The following DCC variants were observed in gnomAD, a reference collection of about 807,000 sequenced individuals.
The protein encoded by DCC is DCC netrin 1 receptor.
A neutral mutation model predicts 172.5 loss-of-function variants in DCC; 58 were observed. That is an observed-to-expected ratio of 0.34 (90% confidence interval 0.27 to 0.42). The LOEUF is 0.42. Ranked by LOEUF, DCC falls within the 10% of genes least tolerant of loss-of-function variation. DCC has a pLI of 1.00. For synonymous variants in DCC, 709 were observed against 644.5 expected (o/e 1.10, Z -1.52); for missense variants, 1,740 against 1,791.0 (o/e 0.97, Z 0.51).
chr18:52,509,610 A>C (rs970638121), intron 1 of DCC, among the ~76,000 whole-genome samples: 2 of 152,218 alleles, frequency 1.3e-5, no homozygotes, highest in Non-Finnish European at 2.9e-5. Context: ...ACATAAACAA[A>C]TGTCCTACAA....
chr18:52,784,902 T>C (rs556741707), intron 2 of DCC, among the ~76,000 whole-genome samples: 1 of 101,752 alleles, frequency 9.8e-6, no homozygotes, highest in Non-Finnish European at 1.9e-5. Flanking sequence ...CCTAGGGAGG[T>C]GGAGGGGGAG....
intron 28 of DCC, among the ~76,000 whole-genome samples, chr18:53,528,128 A>AATT (rs1431200862): frequency 1.3e-5 from 2 of 152,264 alleles, no homozygotes; most frequent in Non-Finnish European, 2.9e-5. Flanking sequence ...CTTTTATAAA[A>AATT]ATTATACTTT....
intron 1 of DCC, among the ~76,000 whole-genome samples, chr18:52,610,865 C>T (rs1259732591): frequency 6.6e-6 from 1 of 151,926 alleles, no homozygotes; most frequent in Non-Finnish European, 1.5e-5. Flanking sequence ...AAAACATTAT[C>T]AGTGCATAGC....
chr18:52,736,406 C>A (rs1195359067), intron 1 of DCC, among the ~76,000 whole-genome samples: 1 of 152,030 alleles, frequency 6.6e-6, no homozygotes. Context: ...TACCACTAGA[C>A]CATCTTTGTG....
chr18:52,837,500 C>T (rs1289074637), intron 2 of DCC, among the ~76,000 whole-genome samples: 1 of 152,176 alleles, frequency 6.6e-6, no homozygotes, highest in Non-Finnish European at 1.5e-5. Flanking sequence ...TGCCACCAGT[C>T]TCTTTGCATA....
In DCC at chr18:53,050,958, A is replaced by G. The variant is rs548111564; in HGVS notation, c.986-12347A>G. Among the ~76,000 whole-genome samples the G allele has an allele frequency of 9.2e-5, 14 of 152,312 alleles. No individual in the cohort carries two copies. In the South Asian group the frequency reaches 2.7e-3, roughly 29 times the overall value. ...AAACAAAAACTTTCAGACCAGGTAT[A>G]GTGGCTTATGCCTGTAATTTCAGCA... On this transcript the variant is annotated intron_variant, in intron 5 of 28. Coordinates refer to ENST00000442544, the MANE Select transcript of DCC (RefSeq NM_005215.4).
At position 52,521,938 on chromosome 18, in the gene DCC, A is replaced by G. The variant is rs573329206; in HGVS notation, c.91+181060A>G. 4.5e-4 allele frequency among the ~76,000 whole-genome samples: 68 copies of G among 152,294 alleles called. 1 individual carries two copies. The highest frequency in any genetic ancestry group is 7.6e-4 in the Non-Finnish European group (52 of 68,022). On this transcript the variant is annotated intron_variant, in intron 1 of 28. Transcript: ENST00000442544. ...TGGAAGGATTAATGAATAAATGAATAATTTAGGCAAAATCTATCAAGCCTA... is the reference window on the plus strand; with the variant it reads ...TGGAAGGATTAATGAATAAATGAATGATTTAGGCAAAATCTATCAAGCCTA...
chr18:52,626,054 T>C (rs910333620), intron 1 of DCC, among the ~76,000 whole-genome samples: 1 of 152,178 alleles, frequency 6.6e-6, no homozygotes, highest in Non-Finnish European at 1.5e-5. Context: ...TAAATGATAT[T>C]CATGACATTA....
intron 12 of DCC, among the ~76,000 whole-genome samples, chr18:53,246,098 G>C (rs1352160749): frequency 6.6e-6 from 1 of 151,964 alleles, no homozygotes; most frequent in Non-Finnish European, 1.5e-5. Flanking sequence ...CGTTTACCCA[G>C]GGATGAAAGC....
chr18:53,332,219 T>G (rs141511814), intron 14 of DCC, among the ~76,000 whole-genome samples: 23 of 152,322 alleles, frequency 1.5e-4, no homozygotes, highest in African/African-American at 5.5e-4. Context: ...GGCTAGGTAT[T>G]CATCGACTCC....
At chr18:52,872,679 A>G (rs2039340869) in intron 2 of DCC, among the ~76,000 whole-genome samples, 1 of 152,210 alleles carries the variant, frequency 6.6e-6, no homozygotes, top group Non-Finnish European at 1.5e-5. Flanking sequence ...AGGAAATGTG[A>G]TAAAGTAAGA....
chr18:53,280,826 C>T (rs1181380429), intron 12 of DCC, among the ~76,000 whole-genome samples: 1 of 151,934 alleles, frequency 6.6e-6, no homozygotes, highest in South Asian at 2.1e-4. Context: ...AAAAAATATT[C>T]TAGTAGACTG....
intron 8 of DCC, among the ~76,000 whole-genome samples, chr18:53,161,400 A>G (rs1290375643): frequency 6.6e-6 from 1 of 152,074 alleles, no homozygotes; most frequent in South Asian, 2.1e-4. Flanking sequence ...CTGGCTACTC[A>G]TTTTCAGGCT....
At chr18:53,516,422 AT>A (rs1454063545) in intron 27 of DCC, among the ~76,000 whole-genome samples, 1 of 145,664 alleles carries the variant, frequency 6.9e-6, no homozygotes, top group Admixed American at 6.6e-5. Context: ...ACCAAAAGCA[AT>A]GGCAACAAAA....
chr18:53,078,048 CTTAA>C (rs1042487757), intron 7 of DCC, among the ~76,000 whole-genome samples: 5 of 152,126 alleles, frequency 3.3e-5, no homozygotes, highest in African/African-American at 1.2e-4. Flanking sequence ...TATAACTAAT[CTTAA>C]TTATCAAATG....
At chr18:53,180,582 A>G (rs547484514) in intron 9 of DCC, among the ~76,000 whole-genome samples, 14 of 152,280 alleles carry the variant, frequency 9.2e-5, no homozygotes, top group African/African-American at 3.4e-4. Context: ...GTTCTGGGCA[A>G]TGTTTTGTTG....
At chr18:53,270,296 C>A (rs533333103) in intron 12 of DCC, among the ~76,000 whole-genome samples, 3 of 152,172 alleles carry the variant, frequency 2.0e-5, no homozygotes, top group South Asian at 2.1e-4. Context: ...TTGAAAGATG[C>A]TTTGAAGATG....
intron 1 of DCC, among the ~76,000 whole-genome samples, chr18:52,434,387 T>A (rs1311033261): frequency 6.6e-6 from 1 of 152,168 alleles, no homozygotes; most frequent in East Asian, 1.9e-4. Context: ...AAGGATTACC[T>A]GGCCCAAAAT....
At chr18:53,102,634 G>T (rs563774988) in intron 7 of DCC, among the ~76,000 whole-genome samples, 2 of 152,198 alleles carry the variant, frequency 1.3e-5, no homozygotes, top group African/African-American at 4.8e-5. Flanking sequence ...CTAAAGGTCA[G>T]ACCACATCTA....
Sources: allele counts gnomAD v4.1 joint callset (sites outside exome capture counted in the v4.1 genomes callset), GRCh38; gene constraint gnomAD v4.1.1; transcripts MANE v1.5; gene names NCBI Gene and HGNC (gene_info 2026-07-23, HGNC 2026-07-21).